Variants in IMMP2L observed in about 807,000 individuals in gnomAD.
IMMP2L encodes mitochondrial inner membrane protease subunit 2.
A neutral mutation model predicts 19.3 loss-of-function variants in IMMP2L; 18 were observed. The observed-to-expected ratio is 0.93, with a 90% CI of 0.64 to 1.38. IMMP2L has a LOEUF of 1.38. Among genes scored for constraint, IMMP2L ranks in the 40% most tolerant of loss-of-function variants. The pLI is 0.00. For synonymous variants in IMMP2L, 76 were observed against 73.0 expected (o/e 1.04, Z -0.21); for missense variants, 233 against 218.2 (o/e 1.07, Z -0.43).
chr7:111,108,891 T>C (rs1025783749), intron 3 of IMMP2L, among the ~76,000 whole-genome samples: 1 of 152,138 alleles, frequency 6.6e-6, no homozygotes, highest in African/African-American at 2.4e-5. Flanking sequence ...ATTCATTCAG[T>C]AGATATTTAT....
intron 3 of IMMP2L, among the ~76,000 whole-genome samples, chr7:111,402,860 T>C (rs1451500344): frequency 0.075 from 3 of 40 alleles, no homozygotes; most frequent in Admixed American, 0.5. Flanking sequence ...ATTGCCTTCA[T>C]AGTCCACGAA....
chr7:111,377,439 T>A lies in IMMP2L; in HGVS notation c.239+109799A>T, dbSNP rs181797117. Among the ~76,000 whole-genome samples the A allele has an allele frequency of 1.7e-3, 254 of 152,100 alleles. 2 individuals are homozygous for A. Among genetic ancestry groups the A allele is most frequent in the Admixed American group, 4.3e-3 (66 of 15,222 alleles). ...AGCTCTATAGTATAGTATCCCTCTA[T>A]AATACAGCTCTATGATACTCTTCAT... is the stretch of plus-strand genomic sequence containing the variant. On this transcript the variant is annotated intron_variant, in intron 3 of 5. Transcript: ENST00000405709.
intron 1 of IMMP2L, among the ~76,000 whole-genome samples, chr7:111,556,440 T>G (rs1169275913): frequency 2.0e-5 from 3 of 152,086 alleles, no homozygotes; most frequent in Non-Finnish European, 4.4e-5. Context: ...TAAAATGTAT[T>G]AAGTAAATAC....
intron 2 of IMMP2L, among the ~76,000 whole-genome samples, chr7:111,497,424 T>C (rs1375683943): frequency 6.6e-6 from 1 of 152,120 alleles, no homozygotes. Context: ...ATACCAATAA[T>C]AGGAAACTGA....
chr7:110,680,271 T>A (rs113476159), intron 5 of IMMP2L, among the ~76,000 whole-genome samples: 4,163 of 152,238 alleles, frequency 0.027, 71 homozygotes, highest in South Asian at 0.065. Flanking sequence ...ATATAAGATC[T>A]GTTCTAAGTT....
At chr7:110,702,155 G>T (rs1284136307) in intron 5 of IMMP2L, among the ~76,000 whole-genome samples, 1 of 151,254 alleles carries the variant, frequency 6.6e-6, no homozygotes, top group African/African-American at 2.4e-5. Flanking sequence ...GGCTGATCTC[G>T]AACTCCTGGA....
At chr7:110,940,896 T>TA (rs1816671102) in intron 4 of IMMP2L, among the ~76,000 whole-genome samples, 2 of 152,214 alleles carry the variant, frequency 1.3e-5, no homozygotes, top group African/African-American at 4.8e-5. Context: ...AATATGCTTA[T>TA]AAGTGGTGGT....
chr7:111,221,784 A>T (rs1234681135), intron 3 of IMMP2L, among the ~76,000 whole-genome samples: 1 of 152,070 alleles, frequency 6.6e-6, no homozygotes, highest in Non-Finnish European at 1.5e-5. Flanking sequence ...CCAAAGAGCC[A>T]AGAATAACAA....
intron 3 of IMMP2L, among the ~76,000 whole-genome samples, chr7:111,352,234 T>C (rs1828237316): frequency 6.6e-6 from 1 of 152,038 alleles, no homozygotes; most frequent in South Asian, 2.1e-4. Flanking sequence ...GAAAACCTTA[T>C]AAACATAGTA....
At chr7:111,427,321 A>G (rs1438686663) in intron 3 of IMMP2L, among the ~76,000 whole-genome samples, 1 of 151,664 alleles carries the variant, frequency 6.6e-6, no homozygotes, top group Non-Finnish European at 1.5e-5. Context: ...AGCCAAATGA[A>G]ATGCTTTGTT....
intron 3 of IMMP2L, among the ~76,000 whole-genome samples, chr7:111,388,572 GAACA>G (rs903165204): frequency 1.3e-5 from 2 of 151,970 alleles, no homozygotes; most frequent in Non-Finnish European, 2.9e-5. Context: ...CCAAAACTGG[GAACA>G]AACAGAGGTT....
intron 4 of IMMP2L, among the ~76,000 whole-genome samples, chr7:110,912,498 T>G (rs2129548506): frequency 6.6e-6 from 1 of 151,912 alleles, no homozygotes; most frequent in African/African-American, 2.4e-5. Context: ...AGCTCTAGAT[T>G]AAAAAACACA....
chr7:110,824,346 A>T (rs1174085007), intron 5 of IMMP2L, among the ~76,000 whole-genome samples: 1 of 152,152 alleles, frequency 6.6e-6, no homozygotes, highest in African/African-American at 2.4e-5. Flanking sequence ...CAAATAGGAT[A>T]GACTAAAAAT....
intron 5 of IMMP2L, among the ~76,000 whole-genome samples, chr7:110,798,903 AC>A (rs1801052881): frequency 6.6e-6 from 1 of 152,012 alleles, no homozygotes; most frequent in African/African-American, 2.4e-5. Flanking sequence ...ATGGGCAATG[AC>A]ATCAATAGCC....
intron 5 of IMMP2L, among the ~76,000 whole-genome samples, chr7:110,731,007 A>G (rs1305467431): frequency 6.6e-6 from 1 of 152,164 alleles, no homozygotes; most frequent in Non-Finnish European, 1.5e-5. Context: ...AATTAAACAC[A>G]TGTTGCAGCT....
intron 3 of IMMP2L, among the ~76,000 whole-genome samples, chr7:111,344,628 G>A (rs1827353914): frequency 1.3e-5 from 2 of 152,172 alleles, no homozygotes; most frequent in Admixed American, 1.3e-4. Flanking sequence ...ATTTTGATGT[G>A]AACACAAGGT....
chr7:110,956,531 G>A (rs2083850139), intron 4 of IMMP2L, among the ~76,000 whole-genome samples: 1 of 151,968 alleles, frequency 6.6e-6, no homozygotes, highest in South Asian at 2.1e-4. Flanking sequence ...CATTTCTTTA[G>A]TAGGGCAACC....
chr7:111,332,755 A>G (rs967296297), intron 3 of IMMP2L, among the ~76,000 whole-genome samples: 8 of 152,108 alleles, frequency 5.3e-5, no homozygotes, highest in African/African-American at 1.9e-4. Context: ...AACTGATCAT[A>G]TATTAGGTGA....
At chr7:111,475,403 C>G (rs1434470314) in intron 3 of IMMP2L, among the ~76,000 whole-genome samples, 1 of 151,956 alleles carries the variant, frequency 6.6e-6, no homozygotes, top group African/African-American at 2.4e-5. Context: ...CTCACCAAAA[C>G]AGTGCCTTTT....
Sources: allele counts gnomAD v4.1 joint callset (sites outside exome capture counted in the v4.1 genomes callset), GRCh38; gene constraint gnomAD v4.1.1; transcripts MANE v1.5; gene names NCBI Gene and HGNC (gene_info 2026-07-23, HGNC 2026-07-21).